Variants in ABHD8 observed in about 807,000 individuals in gnomAD.
ABHD8 encodes protein ABHD8.
Under a neutral mutation model 29.3 loss-of-function variants are expected in ABHD8, and 10 were observed. The observed-to-expected ratio is 0.34, with a 90% CI of 0.21 to 0.58. The LOEUF (loss-of-function observed/expected upper bound fraction) is 0.58. ABHD8 is among the 20% of genes least tolerant of loss of function. The pLI is 0.85. For synonymous variants in ABHD8, 282 were observed against 274.6 expected (o/e 1.03, Z -0.27); for missense variants, 556 against 615.3 (o/e 0.90, Z 1.02).
Position 17,301,384 on chromosome 19 carries a change from C to G in ABHD8, c.233G>C (p.Cys78Ser). 6.2e-7 allele frequency: 1 copy of G among 1,611,530 alleles called. No individual in the cohort carries two copies. The highest frequency in any genetic ancestry group is 8.5e-7 in the Non-Finnish European group (1 of 1,179,922). The change falls in exon 2 of 5, where the codon TGT becomes TCT. Residue 78 changes from cysteine to serine, a missense_variant. This residue lies in a region of ABHD8 where 286 missense variants were observed against 261.4 expected (regional missense o/e 1.09). Transcript: ENST00000247706. ...GCGGTACACGGTGATCCGGCGCTGA[C>G]AGCGGACCAAGCCGGAGAGGTCCCC... ...AQGDLSGLVR[C>S]QRRITVYRNG...
intron 2 of ABHD8, among the ~76,000 whole-genome samples, chr19:17,299,083 A>G (rs767929283): frequency 6.6e-6 from 1 of 152,108 alleles, no homozygotes; most frequent in Non-Finnish European, 1.5e-5. Flanking sequence ...AATATCAGTG[A>G]TGACGGAAAT....
chr19:17,301,174 C>T lies in ABHD8; in HGVS notation c.443G>A (p.Arg148Gln), dbSNP rs756925739. The T allele has an allele frequency of 3.7e-6, 6 of 1,607,384 alleles. No homozygotes were observed. In the South Asian group the frequency reaches 4.4e-5, roughly 12 times the overall value. The change falls in exon 2 of 5, where the codon CGG becomes CAG. Residue 148 changes from arginine (R) to glutamine (Q), a missense_variant. Around this residue, in one of 2 missense-constraint regions of ABHD8, gnomAD observed 286 missense variants for 261.4 expected, o/e 1.09. Coordinates refer to ENST00000247706, the MANE Select transcript of ABHD8 (RefSeq NM_024527.5). ...CCTCTTGGGGCGCCTGGCTCGCCGC[C>T]GCCGCCCACCACTGCCACTGCCGCT... ...SGSGSGSGGR[R>Q]RRARRPKRTI...
intron 2 of ABHD8, among the ~76,000 whole-genome samples, chr19:17,295,625 C>T (rs772742052): frequency 1.3e-5 from 2 of 152,038 alleles, no homozygotes; most frequent in Non-Finnish European, 2.9e-5. Flanking sequence ...TCAGGCTGGT[C>T]GAGAACTCCT....
rs1395987112 is a variant in ABHD8 at position 17,292,300 on chromosome 19, G to C, written c.*361C>G. The C allele has an allele frequency of 1.6e-5, 6 of 368,898 alleles. No homozygotes were observed. The highest frequency in any genetic ancestry group is 2.4e-5 in the Non-Finnish European group (5 of 206,240). 22.9% of individuals were successfully genotyped at this position (368,898 alleles called of 1,614,324 possible). On this transcript the variant is annotated 3_prime_UTR_variant, in exon 5 of 5. Coordinates refer to ENST00000247706, the MANE Select transcript of ABHD8 (RefSeq NM_024527.5). ...GGCCTCGAGGGTCCCTGTGGGGCTCGTGGGTCCCAGGATCAAGCACGGCTG... is the reference window on the plus strand; with the variant it reads ...GGCCTCGAGGGTCCCTGTGGGGCTCCTGGGTCCCAGGATCAAGCACGGCTG...
chr19:17,292,441 G>T lies in ABHD8; in HGVS notation c.*220C>A. 1 of 555,632 alleles carries T rather than the reference G, an allele frequency of 1.8e-6. No homozygotes were observed. The highest frequency in any genetic ancestry group is 3.0e-6 in the Non-Finnish European group (1 of 333,282). 34.4% of individuals were successfully genotyped at this position (555,632 alleles called of 1,614,324 possible). A position where few individuals can be genotyped will look rare whatever the true frequency, so the allele number is the denominator to read the frequency against. On this transcript the variant is annotated 3_prime_UTR_variant, in exon 5 of 5. Transcript: ENST00000247706. Reference sequence around the variant, plus strand: ...AGGGTCCCGGCTGCGGCCCCAAAACGCCGATGGGCCCCGCGGGACGGAAGC... The same window carrying T: ...AGGGTCCCGGCTGCGGCCCCAAAACTCCGATGGGCCCCGCGGGACGGAAGC...
At chr19:17,294,869 A>T in intron 2 of ABHD8, 24 bp from the exon 3 acceptor site, 1 of 1,608,076 alleles carries the variant, frequency 6.2e-7, no homozygotes. Context: ...GTGGGGTGAT[A>T]GGAGGATTGA....
chr19:17,292,487 G>C lies in ABHD8; in HGVS notation c.*174C>G, dbSNP rs2074074721. 2.8e-6 allele frequency: 2 copies of C among 724,228 alleles called. No homozygotes were observed. Among genetic ancestry groups the C allele is most frequent in the Admixed American group, 7.1e-5 (2 of 28,220 alleles). The allele number at this position is 724,228 out of a possible 1,614,324, so 44.9% of individuals were successfully genotyped here. ...GAAGCGGAGAGCGGAATGTCCGCTGGGCTCCCTCGGATGCCACGCCCCGCC... is the reference window on the plus strand; with the variant it reads ...GAAGCGGAGAGCGGAATGTCCGCTGCGCTCCCTCGGATGCCACGCCCCGCC... On this transcript the variant is annotated 3_prime_UTR_variant, in exon 5 of 5. Transcript: ENST00000247706.
In ABHD8 at chr19:17,292,601, G is replaced by A; in HGVS notation, c.*60C>T. 6.6e-7 allele frequency: 1 copy of A among 1,516,970 alleles called. No individual in the cohort carries two copies. Among genetic ancestry groups the A allele is most frequent in the Non-Finnish European group, 8.8e-7 (1 of 1,130,804 alleles). 94.0% of individuals were successfully genotyped at this position (1,516,970 alleles called of 1,614,324 possible). A position where few individuals can be genotyped will look rare whatever the true frequency, so the allele number is the denominator to read the frequency against. On this transcript the variant is annotated 3_prime_UTR_variant, in exon 5 of 5. Coordinates refer to ENST00000247706, the MANE Select transcript of ABHD8 (RefSeq NM_024527.5). ...TGGTCTGCGCTGCAGACCTGGCGCA[G>A]GCTCGGGCCTCCTCCTGCTGCGGCT...
chr19:17,294,554 C>A (rs764761766), intron 3 of ABHD8, 50 bp from the exon 4 acceptor site: 2 of 1,611,372 alleles, frequency 1.2e-6, no homozygotes, highest in Non-Finnish European at 8.5e-7. Context: ...GCCCGACTGC[C>A]GTGGGGTGCC....
rs1013403768 is a variant in ABHD8, at chr19:17,292,644, C to A, written c.*17G>T. 2 of 1,598,128 alleles carry A rather than the reference C, an allele frequency of 1.3e-6. No homozygotes were observed. Among genetic ancestry groups the A allele is most frequent in the Non-Finnish European group, 1.7e-6 (2 of 1,172,846 alleles). ...CTGCGGCTGTGCTCACCAAGCGATG[C>A]CCCGCCGGCCCAGCGGCTACTTCTT... On this transcript the variant is annotated 3_prime_UTR_variant, in exon 5 of 5. Transcript: ENST00000247706.
chr19:17,302,712 G>T (rs2074126217), intron 1 of ABHD8, among the ~76,000 whole-genome samples: 1 of 152,218 alleles, frequency 6.6e-6, no homozygotes, highest in South Asian at 2.1e-4. Flanking sequence ...AGTCCCCAGA[G>T]GTGGCGAAGA....
Position 17,292,376 on chromosome 19 carries a change from G to T in ABHD8, c.*285C>A. On this transcript the variant is annotated 3_prime_UTR_variant, in exon 5 of 5. Transcript: ENST00000247706. ...CCTGCCTTGGCCGTGGCGTTGGGGG[G>T]AAGGTGAGGGAGAGCTTCTGTACAA... 2.3e-6 allele frequency: 1 copy of T among 441,394 alleles called. No homozygotes were observed. The highest frequency in any genetic ancestry group is 4.0e-6 in the Non-Finnish European group (1 of 250,944). 27.3% of individuals were successfully genotyped at this position (441,394 alleles called of 1,614,324 possible). A position where few individuals can be genotyped will look rare whatever the true frequency, so the allele number is the denominator to read the frequency against.
chr19:17,300,429 A>G (rs1369736862), intron 2 of ABHD8, among the ~76,000 whole-genome samples: 1 of 150,852 alleles, frequency 6.6e-6, no homozygotes, highest in Non-Finnish European at 1.5e-5. Context: ...CTGGTCTCAA[A>G]CTCCTTGCCT....
chr19:17,301,810 T>TGTGTGTGTGTG (rs1555721124), intron 1 of ABHD8, among the ~76,000 whole-genome samples, 186 bp from the exon 2 acceptor site: 1 of 119,516 alleles, frequency 8.4e-6, no homozygotes, highest in African/African-American at 3.9e-5. Context: ...GTGTGTGTGT[T>TGTGTGTGTGTG]TTTGAGACAG....
rs775000128 is a variant in ABHD8, at chr19:17,294,718, C to T, written c.889G>A (p.Val297Ile). 4.0e-5 allele frequency: 65 copies of T among 1,614,028 alleles called. No individual in the cohort carries two copies. The highest frequency in any genetic ancestry group is 4.1e-5 in the Non-Finnish European group (48 of 1,180,056). Reference sequence around the variant, plus strand: ...AGGCAGGGCGACAAGCAGTGCAGGACGCAGGTGGGCATGTTGAAGATTGAG... The same window carrying T: ...AGGCAGGGCGACAAGCAGTGCAGGATGCAGGTGGGCATGTTGAAGATTGAG... ...FCSIFNMPTCVLHCLSPCLAW... is the reference protein window; with the variant it reads ...FCSIFNMPTCILHCLSPCLAW... Residue 297 changes from valine to isoleucine, a missense_variant, in exon 3 of 5, where the codon GTC becomes ATC. Val to Ile is a conservative substitution (Grantham distance 29). Around this residue, in one of 2 missense-constraint regions of ABHD8, gnomAD observed 270 missense variants for 353.9 expected, o/e 0.76. Transcript: ENST00000247706.
intron 4 of ABHD8, among the ~76,000 whole-genome samples, chr19:17,293,098 C>CTTTTTTT (rs71334701): frequency 7.4e-6 from 1 of 136,010 alleles, no homozygotes; most frequent in African/African-American, 2.7e-5. Flanking sequence ...TCTTTTCTTT[C>CTTTTTTT]TTTTTTTTTT....
chr19:17,299,893 C>T (rs756511827), intron 2 of ABHD8, among the ~76,000 whole-genome samples: 12 of 146,288 alleles, frequency 8.2e-5, no homozygotes, highest in Admixed American at 1.4e-4. Context: ...CACCACCGCG[C>T]GTGGTGGCCC....
chr19:17,293,423 T>G (rs2074079549), intron 4 of ABHD8, among the ~76,000 whole-genome samples: 1 of 124,424 alleles, frequency 8.0e-6, no homozygotes, highest in African/African-American at 3.0e-5. Flanking sequence ...CAACTTCAAC[T>G]CTACCAACAT....
chr19:17,292,697 C>A lies in ABHD8; in HGVS notation c.1284G>T (p.Pro428=). The change falls in exon 5 of 5, where the codon CCG becomes CCT. Residue 428 remains proline (P), a synonymous_variant. Coordinates refer to ENST00000247706, the MANE Select transcript of ABHD8 (RefSeq NM_024527.5). ...CTTCTGGAGGCGCCGGCAGTGGCTC[C>A]GGTAGAGCCTTGGGCGAGGGCTCGG... The part of the protein sequence containing the change: ...WEPEPSPKAL[P]EPLPAPPEDK... 6.2e-7 allele frequency: 1 copy of A among 1,612,586 alleles called. No individual in the cohort carries two copies. Among genetic ancestry groups the A allele is most frequent in the Non-Finnish European group, 8.5e-7 (1 of 1,179,624 alleles).
Sources: allele counts gnomAD v4.1 joint callset (sites outside exome capture counted in the v4.1 genomes callset), GRCh38; gene constraint gnomAD v4.1.1; regional missense constraint gnomAD v4.1.1; transcripts MANE v1.5; gene names NCBI Gene and HGNC (gene_info 2026-07-23, HGNC 2026-07-21).